RARB: variants seen among roughly 807,000 people sequenced by gnomAD.
The protein encoded by RARB is retinoic acid receptor beta.
RARB carries 17 observed loss-of-function variants against 51.9 expected under a neutral mutation model. That is an observed-to-expected ratio of 0.33 (90% confidence interval 0.22 to 0.49). The LOEUF is 0.49. Among genes scored for constraint, RARB ranks in the 20% least tolerant of loss-of-function variants. RARB has a pLI of 0.99. For synonymous variants in RARB, 215 were observed against 195.4 expected, an observed-to-expected ratio of 1.10 and a Z score of -0.84; for missense variants, 369 against 550.8, an observed-to-expected ratio of 0.67 and a Z score of 3.30.
intron 3 of RARB, among the ~76,000 whole-genome samples, chr3:25,532,900 C>G (rs1262725109): frequency 6.6e-6 from 1 of 152,182 alleles, no homozygotes; most frequent in Non-Finnish European, 1.5e-5. Flanking sequence ...ACTTCAGAGG[C>G]TGGCCTCAGT....
At chr3:25,066,624 C>T (rs1344218193) in intron 3 of RARB, among the ~76,000 whole-genome samples, 1 of 151,778 alleles carries the variant, frequency 6.6e-6, no homozygotes, top group African/African-American at 2.4e-5. Flanking sequence ...CACACACACA[C>T]ACACACACCT....
intron 2 of RARB, among the ~76,000 whole-genome samples, chr3:25,003,438 T>C (rs1697208451): frequency 6.6e-6 from 1 of 152,132 alleles, no homozygotes; most frequent in Non-Finnish European, 1.5e-5. Flanking sequence ...GACAAGATGG[T>C]CCACTCTTGT....
chr3:25,370,350 A>G (rs1053728080), intron 5 of RARB, among the ~76,000 whole-genome samples: 2 of 152,228 alleles, frequency 1.3e-5, no homozygotes, highest in Non-Finnish European at 1.5e-5. Context: ...ATTCCAAGCT[A>G]TGCAAATTCC....
chr3:25,226,300 C>T (rs1702054896), intron 5 of RARB, among the ~76,000 whole-genome samples: 1 of 152,094 alleles, frequency 6.6e-6, no homozygotes, highest in South Asian at 2.1e-4. Flanking sequence ...CTTTATTAAA[C>T]AATGGAGCTA....
chr3:25,130,357 C>A (rs948265058), intron 3 of RARB, among the ~76,000 whole-genome samples: 1 of 152,174 alleles, frequency 6.6e-6, no homozygotes, highest in Middle Eastern at 3.4e-3. Context: ...CTCAGCTGAA[C>A]TTCATTAGAA....
intron 5 of RARB, among the ~76,000 whole-genome samples, chr3:25,270,616 G>C (rs1218852090): frequency 6.6e-6 from 1 of 152,180 alleles, no homozygotes; most frequent in Non-Finnish European, 1.5e-5. Flanking sequence ...AATGGGGAGA[G>C]AATAAGCCGT....
At chr3:25,387,979 T>A (rs182291065) in intron 5 of RARB, among the ~76,000 whole-genome samples, 3 of 152,264 alleles carry the variant, frequency 2.0e-5, no homozygotes, top group Non-Finnish European at 4.4e-5. Flanking sequence ...CTAAGGAGAC[T>A]TCCCCCGTCT....
At chr3:25,595,751 C>G (rs1452893020) in intron 7 of RARB, among the ~76,000 whole-genome samples, 1 of 152,156 alleles carries the variant, frequency 6.6e-6, no homozygotes, top group African/African-American at 2.4e-5. Context: ...TTAAATTTAG[C>G]TACCTAGTGG....
At chr3:24,950,757 C>T (rs537340556) in intron 2 of RARB, among the ~76,000 whole-genome samples, 10 of 150,058 alleles carry the variant, frequency 6.7e-5, no homozygotes, top group African/African-American at 2.4e-4. Flanking sequence ...GAGAGGATAT[C>T]ATATAAATAT....
At chr3:25,344,028 A>G (rs1705312877) in intron 5 of RARB, among the ~76,000 whole-genome samples, 1 of 152,230 alleles carries the variant, frequency 6.6e-6, no homozygotes, top group Admixed American at 6.5e-5. Flanking sequence ...ATGGAGACCA[A>G]AGAATTTATG....
chr3:25,459,906 A>G (rs572251208), intron 1 of RARB, among the ~76,000 whole-genome samples: 3 of 152,160 alleles, frequency 2.0e-5, no homozygotes, highest in Admixed American at 2.0e-4. Flanking sequence ...TTTTATGAGC[A>G]TATTTACCTG....
At chr3:25,407,261 C>A (rs749246356) in intron 5 of RARB, among the ~76,000 whole-genome samples, 1 of 152,164 alleles carries the variant, frequency 6.6e-6, no homozygotes, top group Non-Finnish European at 1.5e-5. Flanking sequence ...GACGGGGGTA[C>A]TAGGCAGCAT....
intron 5 of RARB, among the ~76,000 whole-genome samples, chr3:25,300,819 A>C (rs1177744512): frequency 2.0e-5 from 3 of 151,968 alleles, no homozygotes; most frequent in Admixed American, 1.3e-4. Flanking sequence ...GTGAAACCCT[A>C]TCTCTACTAA....
rs186770545 is a variant in RARB at position 24,981,173 on chromosome 3, G to C, written c.-379-78952G>C. ...CCAGAGAGGGACCCATCTGTATGAG[G>C]TGTCCGTCAGCCCCTCCTGGGAGAT... On this transcript the variant is annotated intron_variant, in intron 2 of 11. Transcript: ENST00000383772. Among the ~76,000 whole-genome samples, 3 of 152,280 alleles carry C rather than the reference G, an allele frequency of 2.0e-5. No individual in the cohort carries two copies. The East Asian group carries it at 5.8e-4, about 29-fold the overall frequency.
intron 3 of RARB, among the ~76,000 whole-genome samples, chr3:25,543,892 G>A (rs1287199359): frequency 6.6e-6 from 1 of 152,214 alleles, no homozygotes; most frequent in Non-Finnish European, 1.5e-5. Flanking sequence ...ATATGGCTTG[G>A]CCATGTATTG....
chr3:25,526,686 G>A (rs1698665750), intron 3 of RARB, among the ~76,000 whole-genome samples: 1 of 152,210 alleles, frequency 6.6e-6, no homozygotes, highest in Non-Finnish European at 1.5e-5. Context: ...CTGGATGGAT[G>A]GATGAGTGGG....
chr3:25,192,856 C>G (rs1463429524), intron 5 of RARB, among the ~76,000 whole-genome samples: 2 of 151,978 alleles, frequency 1.3e-5, no homozygotes, highest in African/African-American at 4.8e-5. Context: ...TCTAGTCCCT[C>G]GTAGACAAAC....
intron 5 of RARB, among the ~76,000 whole-genome samples, chr3:25,588,643 A>G (rs1701497254): frequency 6.6e-6 from 1 of 152,168 alleles, no homozygotes. Flanking sequence ...TCTGTCATGA[A>G]ATAGCAATCA....
chr3:24,896,008 C>G (rs11916565), intron 2 of RARB, among the ~76,000 whole-genome samples: 16 of 152,254 alleles, frequency 1.1e-4, no homozygotes, highest in African/African-American at 3.9e-4. Context: ...TCTATACATA[C>G]AGTGGCATAT....
Sources: gnomAD v4.1 joint callset for allele counts (sites outside exome capture counted in the v4.1 genomes callset) on GRCh38, gnomAD v4.1.1 for gene constraint, MANE v1.5 for transcripts, NCBI Gene and HGNC (gene_info 2026-07-23, HGNC 2026-07-21) for gene names.